Variants in RIMS2 observed in about 807,000 individuals in gnomAD.
RIMS2 encodes regulating synaptic membrane exocytosis protein 2.
A neutral mutation model predicts 174.4 loss-of-function variants in RIMS2; 59 were observed. The observed-to-expected ratio is 0.34, with a 90% CI of 0.27 to 0.42. The LOEUF is 0.42. Among genes scored for constraint, RIMS2 ranks in the 10% least tolerant of loss-of-function variants. The pLI, the probability that RIMS2 is intolerant of heterozygous loss-of-function variation, is 1.00. For synonymous variants in RIMS2, 606 were observed against 572.5 expected, an observed-to-expected ratio of 1.06 and a Z score of -0.84; for missense variants, 1,620 against 1,666.3, an observed-to-expected ratio of 0.97 and a Z score of 0.48.
At chr8:103,988,749 C>T (rs1034216716) in intron 16 of RIMS2, among the ~76,000 whole-genome samples, 2 of 152,084 alleles carry the variant, frequency 1.3e-5, no homozygotes, top group Non-Finnish European at 2.9e-5. Context: ...CATGAGCCAC[C>T]ACACCCAGCC....
At chr8:104,128,133 A>T (rs1033316868) in intron 19 of RIMS2, among the ~76,000 whole-genome samples, 4 of 152,164 alleles carry the variant, frequency 2.6e-5, no homozygotes, top group African/African-American at 9.7e-5. Flanking sequence ...ACCTAGGGAG[A>T]TCACCAAATC....
intron 19 of RIMS2, among the ~76,000 whole-genome samples, chr8:104,166,298 C>T (rs1437845392): frequency 6.6e-6 from 1 of 151,596 alleles, no homozygotes; most frequent in East Asian, 1.9e-4. Context: ...GATCTCCTGA[C>T]CTCATGATCC....
At chr8:103,936,596 A>G in exon 13 of RIMS2, 1 of 1,603,992 alleles carries the variant, frequency 6.2e-7, no homozygotes, top group Admixed American at 1.7e-5. Flanking sequence ...AAACATTGGA[A>G]CCCAAATGGA....
Position 103,527,798 on chromosome 8 carries a change from C to T in RIMS2, c.176+26736C>T, listed in dbSNP as rs186363332. 3.9e-5 allele frequency among the ~76,000 whole-genome samples: 6 copies of T among 152,288 alleles called. No homozygotes were observed. In the East Asian group the frequency reaches 9.6e-4, roughly 24 times the overall value. ...CTCAATCCAGTCTATCAGTGATGGACATTTGGGTTGGTTCCAAGTCTTTGC... is the reference window on the plus strand; with the variant it reads ...CTCAATCCAGTCTATCAGTGATGGATATTTGGGTTGGTTCCAAGTCTTTGC... On this transcript the variant is annotated intron_variant, in intron 1 of 23. Transcript: ENST00000504942.
chr8:103,684,386 A>T (rs1032017316), intron 1 of RIMS2, among the ~76,000 whole-genome samples: 1 of 152,088 alleles, frequency 6.6e-6, no homozygotes, highest in African/African-American at 2.4e-5. Flanking sequence ...ACACTTTTAA[A>T]TGGTTGATTA....
At chr8:104,031,970 G>GA (rs1348422637) in intron 19 of RIMS2, among the ~76,000 whole-genome samples, 2 of 151,790 alleles carry the variant, frequency 1.3e-5, no homozygotes, top group African/African-American at 2.4e-5. Context: ...CATATTTTGG[G>GA]AAAAAATATA....
intron 19 of RIMS2, among the ~76,000 whole-genome samples, chr8:104,116,028 A>G (rs190346346): frequency 1.3e-5 from 2 of 152,314 alleles, no homozygotes; most frequent in East Asian, 1.9e-4. Flanking sequence ...TGAACAATCA[A>G]AAAGGGAATA....
intron 2 of RIMS2, among the ~76,000 whole-genome samples, chr8:103,724,311 C>T (rs895955560): frequency 6.6e-6 from 1 of 152,094 alleles, no homozygotes; most frequent in Non-Finnish European, 1.5e-5. Context: ...TGCCATCTTC[C>T]TGACATCACT....
chr8:103,901,365 G>A (rs2099327090), intron 4 of RIMS2, among the ~76,000 whole-genome samples: 1 of 152,008 alleles, frequency 6.6e-6, no homozygotes, highest in African/African-American at 2.4e-5. Flanking sequence ...CATGCCTCAG[G>A]TTTCCCTACT....
chr8:104,128,232 G>C (rs1430574146), intron 19 of RIMS2, among the ~76,000 whole-genome samples: 1 of 152,212 alleles, frequency 6.6e-6, no homozygotes, highest in Non-Finnish European at 1.5e-5. Context: ...AGCCAACATG[G>C]GCAAGAATGA....
At chr8:104,066,660 A>T (rs1419082351) in intron 19 of RIMS2, among the ~76,000 whole-genome samples, 1 of 152,156 alleles carries the variant, frequency 6.6e-6, no homozygotes, top group African/African-American at 2.4e-5. Flanking sequence ...CATTTACATC[A>T]TGGAGGCACT....
intron 1 of RIMS2, among the ~76,000 whole-genome samples, chr8:103,588,319 C>A (rs1274676236): frequency 6.6e-6 from 1 of 151,330 alleles, no homozygotes; most frequent in East Asian, 1.9e-4. Context: ...AAAAGGTCTA[C>A]CCAAAACAAT....
chr8:103,644,938 G>A lies in RIMS2; in HGVS notation c.177-52148G>A, dbSNP rs2096297026. The stretch of plus-strand genomic sequence containing the variant: ...TGATTTCTTGCAGATTCTCACCCAG[G>A]AGTTCTTTAACAAGTAAATGAGCCC... On this transcript the variant is annotated intron_variant, in intron 1 of 23. Transcript: ENST00000504942. Among the ~76,000 whole-genome samples, 5 of 151,840 alleles carry A rather than the reference G, an allele frequency of 3.3e-5. No homozygotes were observed. The South Asian group carries it at 1.0e-3, about 31-fold the overall frequency.
intron 1 of RIMS2, among the ~76,000 whole-genome samples, chr8:103,600,193 G>A (rs548560278): frequency 6.0e-4 from 92 of 152,268 alleles, no homozygotes; most frequent in Non-Finnish European, 9.4e-4. Context: ...CATCCATGTT[G>A]TTGCAGATGA....
chr8:103,585,815 C>T (rs1028669187), intron 1 of RIMS2, among the ~76,000 whole-genome samples: 3 of 151,536 alleles, frequency 2.0e-5, no homozygotes, highest in Non-Finnish European at 4.4e-5. Context: ...CTGACAGGTG[C>T]AGCATACCAC....
At chr8:104,223,593 C>T (rs2138679161) in intron 19 of RIMS2, 1 of 1,503,676 alleles carries the variant, frequency 6.7e-7, no homozygotes. Flanking sequence ...GGACGCTGCG[C>T]CCCAGCCGCC....
At chr8:103,609,304 G>T (rs1310096772) in intron 1 of RIMS2, among the ~76,000 whole-genome samples, 3 of 152,114 alleles carry the variant, frequency 2.0e-5, no homozygotes, top group Non-Finnish European at 2.9e-5. Context: ...CATTCTGTAG[G>T]TTGTCTGTTC....
At chr8:103,563,348 A>C (rs1466281189) in intron 1 of RIMS2, among the ~76,000 whole-genome samples, 3 of 152,124 alleles carry the variant, frequency 2.0e-5, no homozygotes, top group African/African-American at 7.2e-5. Flanking sequence ...TCACACAGAT[A>C]CCCTAAATCA....
At chr8:103,606,619 T>C (rs1390359544) in intron 1 of RIMS2, among the ~76,000 whole-genome samples, 3 of 152,168 alleles carry the variant, frequency 2.0e-5, no homozygotes, top group African/African-American at 7.2e-5. Context: ...TCTCCCATTA[T>C]TAATGTGTGG....
Sources: gnomAD v4.1 joint callset for allele counts (sites outside exome capture counted in the v4.1 genomes callset) on GRCh38, gnomAD v4.1.1 for gene constraint, MANE v1.5 for transcripts, NCBI Gene and HGNC (gene_info 2026-07-23, HGNC 2026-07-21) for gene names.